The following BCR variants were observed in gnomAD, a reference collection of about 807,000 sequenced individuals.
BCR encodes the protein breakpoint cluster region protein.
Under a neutral mutation model 138.6 loss-of-function variants are expected in BCR, and 58 were observed. The observed-to-expected ratio is 0.42, with a 90% CI of 0.34 to 0.52. The LOEUF (loss-of-function observed/expected upper bound fraction) is 0.52, where lower values mean the gene tolerates loss of function less well. Ranked by LOEUF, BCR falls within the 20% of genes least tolerant of loss-of-function variation. The pLI is 0.06. For missense variants in BCR, 1,599 were observed against 1,727.2 expected (o/e 0.93, Z 1.32); for synonymous variants, 786 against 730.1 (o/e 1.08, Z -1.23).
chr22:23,192,121 G>A (rs2072423084), intron 1 of BCR, among the ~76,000 whole-genome samples: 1 of 152,230 alleles, frequency 6.6e-6, no homozygotes, highest in Non-Finnish European at 1.5e-5. Flanking sequence ...ACACCCCACT[G>A]AAGTAGTAAA....
intron 1 of BCR, among the ~76,000 whole-genome samples, chr22:23,237,412 C>T (rs1005453302): frequency 1.3e-5 from 2 of 152,224 alleles, no homozygotes; most frequent in African/African-American, 4.8e-5. Flanking sequence ...GGATCTGGAC[C>T]AGGTTGTCAC....
intron 4 of BCR, chr22:23,263,778 A>C: frequency 1.4e-6 from 2 of 1,419,200 alleles, no homozygotes; most frequent in Admixed American, 3.4e-5. Flanking sequence ...GAGTGGCTCC[A>C]GGGACAGGAC....
At chr22:23,300,352 A>C (rs1036885114) in intron 16 of BCR, among the ~76,000 whole-genome samples, 1 of 152,176 alleles carries the variant, frequency 6.6e-6, no homozygotes, top group East Asian at 1.9e-4. Flanking sequence ...GCATGTCCTC[A>C]AGGCTCACCC....
intron 1 of BCR, among the ~76,000 whole-genome samples, chr22:23,208,140 T>G (rs1349548130): frequency 6.6e-6 from 1 of 152,246 alleles, no homozygotes; most frequent in Non-Finnish European, 1.5e-5. Flanking sequence ...CATGCTTCAG[T>G]TGGTACCCCG....
chr22:23,190,347 T>G (rs1182847170), intron 1 of BCR, among the ~76,000 whole-genome samples: 1 of 152,144 alleles, frequency 6.6e-6, no homozygotes, highest in East Asian at 1.9e-4. Context: ...TTTGTATTTT[T>G]AGTAGAGACG....
chr22:23,198,475 G>C, intron 1 of BCR: 1 of 337,554 alleles, frequency 3.0e-6, no homozygotes, highest in Non-Finnish European at 5.8e-6. Context: ...GGGTGATATG[G>C]CTTTGCAGGG....
rs754721475 is a variant in BCR at position 23,260,937 on chromosome 22, A to G, written c.1462-13A>G. On this transcript the variant is annotated splice_polypyrimidine_tract_variant and intron_variant, in intron 2 of 22. Transcript: ENST00000305877. ...CACCCTTCCAGGCTGACTTCTGTCTATTTCTCCTGCAGAGTGAGCTGGACT... is the reference window on the plus strand; with the variant it reads ...CACCCTTCCAGGCTGACTTCTGTCTGTTTCTCCTGCAGAGTGAGCTGGACT... 93 of 1,612,490 alleles carry G rather than the reference A, an allele frequency of 5.8e-5. No individual in the cohort carries two copies. Among genetic ancestry groups the G allele is most frequent in the Middle Eastern group, 1.6e-4 (1 of 6,064 alleles).
At chr22:23,255,804 C>A (rs975643483) in intron 2 of BCR, among the ~76,000 whole-genome samples, 6 of 152,240 alleles carry the variant, frequency 3.9e-5, no homozygotes, top group African/African-American at 1.4e-4. Flanking sequence ...TCTGCCCTCA[C>A]AGGAGCTGTA....
chr22:23,287,168 A>C lies in BCR; in HGVS notation c.2416A>C (p.Lys806Gln), dbSNP rs1400264219. The C allele has an allele frequency of 6.3e-7, 1 of 1,578,220 alleles. No homozygotes were observed. Among genetic ancestry groups the C allele is most frequent in the East Asian group, 2.3e-5 (1 of 43,204 alleles). The change falls in exon 11 of 23, where the codon AAG (lysine) becomes CAG (glutamine). Residue 806 changes from lysine (K) to glutamine (Q), a missense_variant. Transcript: ENST00000305877. ...NDIQREKRAN[K>Q]GSKATERLKK... The stretch of plus-strand genomic sequence containing the variant: ...TGGCATCTCCCCACAGAGGGCGAAC[A>C]AGGGCAGCAAGGCTACGGAGAGGCT...
At chr22:23,290,568 G>A in intron 14 of BCR, 155 bp downstream of exon 14, 3 of 763,906 alleles carry the variant, frequency 3.9e-6, no homozygotes, top group South Asian at 1.5e-5. Context: ...TGTGCTGGTT[G>A]ATGCCTTCTG....
intron 8 of BCR, among the ~76,000 whole-genome samples, chr22:23,281,119 GAC>G (rs1261726896): frequency 6.6e-6 from 1 of 152,226 alleles, no homozygotes; most frequent in Non-Finnish European, 1.5e-5. Flanking sequence ...GACACACAGG[GAC>G]ACACAGACGC....
intron 22 of BCR, among the ~76,000 whole-genome samples, 163 bp downstream of exon 22, chr22:23,314,877 T>G (rs551000106): frequency 1.2e-3 from 187 of 152,286 alleles, no homozygotes; most frequent in Middle Eastern, 6.8e-3. Flanking sequence ...GGAGTGATAG[T>G]GGGGGCCCAG....
chr22:23,277,293 G>T (rs1010043629), intron 8 of BCR, among the ~76,000 whole-genome samples: 1 of 152,228 alleles, frequency 6.6e-6, no homozygotes, highest in African/African-American at 2.4e-5. Flanking sequence ...GAGGTTGAGT[G>T]TCTTGCCCAG....
At chr22:23,216,658 G>A (rs2072756547) in intron 1 of BCR, among the ~76,000 whole-genome samples, 1 of 152,230 alleles carries the variant, frequency 6.6e-6, no homozygotes, top group South Asian at 2.1e-4. Flanking sequence ...GTGCCATCTG[G>A]CTTGGTATGA....
intron 2 of BCR, among the ~76,000 whole-genome samples, chr22:23,260,684 AC>A (rs1316849185): frequency 6.6e-6 from 1 of 152,208 alleles, no homozygotes; most frequent in Non-Finnish European, 1.5e-5. Context: ...CCTGCTCCGC[AC>A]CAAACTCTGT....
intron 16 of BCR, among the ~76,000 whole-genome samples, chr22:23,308,594 C>T (rs925869777): frequency 5.3e-5 from 8 of 152,008 alleles, no homozygotes; most frequent in Non-Finnish European, 7.4e-5. Context: ...CGTGAGCCAC[C>T]GCACCTGGCC....
rs532263761 is a variant in BCR, at chr22:23,298,688, C to T, written c.3012+3533C>T. Among the ~76,000 whole-genome samples, 152 of 151,810 alleles carry T rather than the reference C, an allele frequency of 1.0e-3. 1 individual carries two copies. The highest frequency in any genetic ancestry group is 3.3e-3 in the African/African-American group (137 of 41,376). On this transcript the variant is annotated intron_variant, in intron 16 of 22. Transcript: ENST00000305877. ...TCAGCTTACTGCAACCTCTGCCTCC[C>T]GGGTTCAAGCGATTCTGCTGCCGCA... is the stretch of plus-strand genomic sequence containing the variant.
At chr22:23,279,393 C>A (rs2073616386) in intron 8 of BCR, among the ~76,000 whole-genome samples, 1 of 152,228 alleles carries the variant, frequency 6.6e-6, no homozygotes, top group African/African-American at 2.4e-5. Context: ...TGTATATTGG[C>A]CTGCCTGGTG....
rs553294517 is a variant in BCR at position 23,314,385 on chromosome 22, C to A, written c.3564-167C>A. ...CCTCCCCACCAGCCCAGAGCTGGCT[C>A]CTTGTCCTGGGCCACTGAGACCCAG... is the stretch of plus-strand genomic sequence containing the variant. On this transcript the variant is annotated intron_variant, in intron 21 of 22. Coordinates refer to ENST00000305877, the MANE Select transcript of BCR (RefSeq NM_004327.4). 3.3e-5 allele frequency among the ~76,000 whole-genome samples: 5 copies of A among 152,346 alleles called. No homozygotes were observed. In the South Asian group the frequency reaches 1.0e-3, roughly 32 times the overall value.
Sources: gnomAD v4.1 joint callset for allele counts (sites outside exome capture counted in the v4.1 genomes callset) on GRCh38, gnomAD v4.1.1 for gene constraint, MANE v1.5 for transcripts, NCBI Gene and HGNC (gene_info 2026-07-23, HGNC 2026-07-21) for gene names.